The following TMEM40 variants were observed in gnomAD, a reference collection of about 807,000 sequenced individuals.
The protein encoded by TMEM40 is transmembrane protein 40.
A neutral mutation model predicts 40.8 loss-of-function variants in TMEM40; 34 were observed. The observed-to-expected ratio is 0.83, with a 90% CI of 0.63 to 1.11. The LOEUF (loss-of-function observed/expected upper bound fraction) is 1.11, where lower values mean the gene tolerates loss of function less well. Among genes scored for constraint, TMEM40 ranks in the 50% least tolerant of loss-of-function variants. TMEM40 has a pLI of 0.00. For synonymous variants in TMEM40, 106 were observed against 107.0 expected (o/e 0.99, Z 0.06); for missense variants, 296 against 280.2 (o/e 1.06, Z -0.40).
chr3:12,743,831 T>C, intron 4 of TMEM40, 69 bp downstream of exon 4: 1 of 1,460,006 alleles, frequency 6.8e-7, no homozygotes, highest in Non-Finnish European at 9.5e-7. Flanking sequence ...AACATCACAC[T>C]TCAGTCCCAC....
intron 3 of TMEM40, among the ~76,000 whole-genome samples, chr3:12,745,497 G>A (rs1025623460): frequency 1.3e-5 from 2 of 152,108 alleles, no homozygotes; most frequent in African/African-American, 2.4e-5. Flanking sequence ...CATCAAGGCC[G>A]AAGTGCAGTG....
intron 1 of TMEM40, among the ~76,000 whole-genome samples, chr3:12,753,990 G>A (rs970490502): frequency 6.6e-6 from 1 of 152,162 alleles, no homozygotes; most frequent in African/African-American, 2.4e-5. Context: ...GCAGACTGGA[G>A]ATTACTGTCG....
intron 5 of TMEM40, among the ~76,000 whole-genome samples, chr3:12,739,848 G>T (rs1441745498): frequency 6.6e-6 from 1 of 151,148 alleles, no homozygotes; most frequent in African/African-American, 2.4e-5. Flanking sequence ...TTTAGAGACA[G>T]GTTCTCTCTC....
intron 1 of TMEM40, among the ~76,000 whole-genome samples, chr3:12,758,439 C>T (rs570474882): frequency 3.9e-5 from 6 of 152,188 alleles, no homozygotes; most frequent in Admixed American, 6.5e-5. Flanking sequence ...GCCTAAAAGC[C>T]AGGGTGCTCT....
At chr3:12,748,451 A>T (rs1473243900) in intron 3 of TMEM40, among the ~76,000 whole-genome samples, 3 of 152,204 alleles carry the variant, frequency 2.0e-5, no homozygotes, top group African/African-American at 7.2e-5. Flanking sequence ...GATGGGGAAA[A>T]TTTTAAATGG....
chr3:12,767,222 C>T (rs567705979), intron 1 of TMEM40, among the ~76,000 whole-genome samples: 2 of 152,052 alleles, frequency 1.3e-5, no homozygotes, highest in Non-Finnish European at 2.9e-5. Flanking sequence ...TTTTTCAGTG[C>T]CTTCCTGTCA....
intron 3 of TMEM40, among the ~76,000 whole-genome samples, chr3:12,744,709 CA>C (rs1454274241): frequency 6.6e-6 from 1 of 152,222 alleles, no homozygotes; most frequent in Admixed American, 6.5e-5. Context: ...TCCAAGAATT[CA>C]GGTCTAGGAG....
intron 5 of TMEM40, among the ~76,000 whole-genome samples, chr3:12,740,328 G>A (rs959600006): frequency 2.7e-5 from 4 of 149,678 alleles, no homozygotes; most frequent in Non-Finnish European, 4.5e-5. Context: ...AACCTCAAGT[G>A]ATCCACCTGC....
At chr3:12,762,117 C>T (rs1445663008), upstream of TMEM40, among the ~76,000 whole-genome samples, 2 of 152,022 alleles carry the variant, frequency 1.3e-5, no homozygotes, top group East Asian at 3.9e-4. Flanking sequence ...TGTGCACCAC[C>T]ATGCCCGGTT....
chr3:12,734,382 C>T lies in TMEM40; in HGVS notation c.*392G>A, dbSNP rs1407645934. On this transcript the variant is annotated 3_prime_UTR_variant, in exon 12 of 12. Transcript: ENST00000314124. ...TCTCTCCCAGGATGGCTCGGTAGCA[C>T]CTGAGAGCGCATGCAGATAGCCTGG... 1.0e-5 allele frequency: 2 copies of T among 191,892 alleles called. No homozygotes were observed. Among genetic ancestry groups the T allele is most frequent in the African/African-American group, 4.6e-5 (2 of 43,134 alleles). 11.9% of individuals were successfully genotyped at this position (191,892 alleles called of 1,614,324 possible). A position where few individuals can be genotyped will look rare whatever the true frequency, so the allele number is the denominator to read the frequency against.
At chr3:12,743,815 G>T in intron 4 of TMEM40, 85 bp downstream of exon 4, 1 of 1,312,334 alleles carries the variant, frequency 7.6e-7, no homozygotes, top group Non-Finnish European at 1.1e-6. Context: ...AAACAATGCT[G>T]TGAAGAACAT....
rs923858021 is a variant in TMEM40, at chr3:12,737,710, C to A, written c.469G>T (p.Asp157Tyr). ...SQLRRLNIKK[D>Y]DEFFHFVLLC... is the part of the protein sequence containing the mutation. ...TCTGCTACACCAAGTTCCTTACCAT[C>A]TTTCTTTATATTCAGTCTTCTTAAC... The change falls in exon 8 of 12, where the codon GAT becomes TAT. Residue 157 changes from aspartate to tyrosine, a missense_variant. Asp to Tyr is a radical substitution (Grantham distance 160). Transcript: ENST00000314124. The A allele has an allele frequency of 6.2e-7, 1 of 1,614,062 alleles. No individual in the cohort carries two copies. The highest frequency in any genetic ancestry group is 1.3e-5 in the African/African-American group (1 of 75,052).
intron 1 of TMEM40, among the ~76,000 whole-genome samples, chr3:12,755,213 T>TTCTCTCTCTCTCTC (rs754041538): frequency 8.5e-5 from 8 of 94,320 alleles, no homozygotes; most frequent in East Asian, 5.5e-4. Flanking sequence ...CTTTCTTTCT[T>TTCTCTCTCTCTCTC]TCTCTCTCTC....
chr3:12,744,278 A>T (rs2061409098), intron 3 of TMEM40, among the ~76,000 whole-genome samples: 2 of 152,166 alleles, frequency 1.3e-5, no homozygotes, highest in Non-Finnish European at 1.5e-5. Context: ...ATGAGGCATC[A>T]TAGTACTGAG....
At chr3:12,760,759 T>G (rs2061564113), upstream of TMEM40, among the ~76,000 whole-genome samples, 1 of 151,968 alleles carries the variant, frequency 6.6e-6, no homozygotes, top group African/African-American at 2.4e-5. Flanking sequence ...TTTTTTTTTT[T>G]GAGTCAGGGT....
chr3:12,763,132 C>A (rs1404758552), upstream of TMEM40, among the ~76,000 whole-genome samples: 2 of 144,224 alleles, frequency 1.4e-5, 1 homozygote, highest in Admixed American at 1.4e-4. Flanking sequence ...TGCACTCCAG[C>A]CTGGGCGACA....
chr3:12,749,768 T>C lies in TMEM40; in HGVS notation c.65A>G (p.Asp22Gly), dbSNP rs1307710995. Residue 22 changes from aspartate (D) to glycine (G), a missense_variant, in exon 2 of 12, where the codon GAT (aspartate) becomes GGT (glycine). Coordinates refer to ENST00000314124, the MANE Select transcript of TMEM40 (RefSeq NM_018306.4). ...AGAGAAGGCAAACGTACAGTCTACA[T>C]CTTCTGTTTCTCTGTGGACTTGACT... ...DNSQVHRETE[D>G]VDYGETDFHK... 1 of 1,613,922 alleles carries C rather than the reference T, an allele frequency of 6.2e-7. No homozygotes were observed. Among genetic ancestry groups the C allele is most frequent in the Admixed American group, 1.7e-5 (1 of 59,972 alleles).
chr3:12,755,346 G>A (rs1232259802), intron 1 of TMEM40, among the ~76,000 whole-genome samples: 1 of 150,554 alleles, frequency 6.6e-6, no homozygotes, highest in African/African-American at 2.4e-5. Context: ...AGCAATCATG[G>A]CTCACTGCAG....
intron 1 of TMEM40, among the ~76,000 whole-genome samples, chr3:12,755,233 C>CTCTCTCTCTCTCTCTTTCTT: frequency 1.7e-5 from 1 of 59,964 alleles, no homozygotes; most frequent in African/African-American, 7.1e-5. Flanking sequence ...CTCTCTCTCT[C>CTCTCTCTCTCTCTCTTTCTT]TCTTTCTTTC....
Sources: allele counts gnomAD v4.1 joint callset (sites outside exome capture counted in the v4.1 genomes callset), GRCh38; gene constraint gnomAD v4.1.1; transcripts MANE v1.5; gene names NCBI Gene and HGNC (gene_info 2026-07-23, HGNC 2026-07-21).